PPP4R1: variants seen among roughly 807,000 people sequenced by gnomAD.
PPP4R1 encodes the protein serine/threonine-protein phosphatase 4 regulatory subunit 1.
In PPP4R1, 42 loss-of-function variants were observed where a neutral mutation model predicts 111.2. The observed-to-expected ratio is 0.38, with a 90% CI of 0.29 to 0.49. PPP4R1 has a LOEUF of 0.49. Ranked by LOEUF, PPP4R1 falls within the 20% of genes least tolerant of loss-of-function variation. The probability of loss-of-function intolerance (pLI) is 0.97; values close to 1 mark genes in which losing one functional copy is unlikely to be tolerated. For synonymous variants in PPP4R1, 409 were observed against 405.5 expected, an observed-to-expected ratio of 1.01 and a Z score of -0.10; for missense variants, 1,012 against 1,161.6, an observed-to-expected ratio of 0.87 and a Z score of 1.87.
rs932969670 is a variant in PPP4R1 at position 9,580,978 on chromosome 18, A to C, written c.918+2139T>G. Among the ~76,000 whole-genome samples, 8 of 152,306 alleles carry C rather than the reference A, an allele frequency of 5.3e-5. No homozygotes were observed. In the East Asian group the frequency reaches 1.5e-3, roughly 29 times the overall value. ...ATACCCACTAAGCCCCTGTCATACC[A>C]GGGTGGCTGTGGGCAGACCCAAAGC... On this transcript the variant is annotated intron_variant, in intron 9 of 19. Transcript: ENST00000400556.
At chr18:9,568,257 T>C (rs1355652497) in intron 11 of PPP4R1, among the ~76,000 whole-genome samples, 1 of 152,190 alleles carries the variant, frequency 6.6e-6, no homozygotes, top group Non-Finnish European at 1.5e-5. Flanking sequence ...ACTCTTGGCC[T>C]TAAGCTATCC....
At chr18:9,582,886 T>G (rs2067053025) in intron 9 of PPP4R1, among the ~76,000 whole-genome samples, 1 of 152,112 alleles carries the variant, frequency 6.6e-6, no homozygotes, top group Non-Finnish European at 1.5e-5. Flanking sequence ...ACATAATACA[T>G]CATGCCAATT....
Position 9,564,737 on chromosome 18 carries a change from TGG to T in PPP4R1, c.1574-1189_1574-1188del, listed in dbSNP as rs201070259. On this transcript the variant is annotated intron_variant, in intron 11 of 19. Transcript: ENST00000400556. ...GTGTGTGTGTGTGTGTGTGTGTGTG[TGG>T]GGGTATCATCCCCCATCCATTCTGT... 5.2e-3 allele frequency among the ~76,000 whole-genome samples: 354 copies of T among 68,006 alleles called. 1 individual carries two copies. Among genetic ancestry groups the T allele is most frequent in the African/African-American group, 0.013 (170 of 13,340 alleles). 44.6% of individuals were successfully genotyped at this position (68,006 alleles called of 152,430 possible).
intron 10 of PPP4R1, among the ~76,000 whole-genome samples, chr18:9,575,390 T>C (rs1445215327): frequency 6.6e-6 from 1 of 152,138 alleles, no homozygotes; most frequent in Non-Finnish European, 1.5e-5. Flanking sequence ...AAACTAATGG[T>C]TCTGAGATTT....
At chr18:9,585,030 A>G (rs988776241) in intron 6 of PPP4R1, among the ~76,000 whole-genome samples, 3 of 152,214 alleles carry the variant, frequency 2.0e-5, no homozygotes, top group Non-Finnish European at 2.9e-5. Context: ...GATATTAACC[A>G]CAATCAATAA....
Position 9,547,541 on chromosome 18 carries a change from G to T in PPP4R1, c.*248C>A. The T allele has an allele frequency of 2.7e-6, 1 of 366,304 alleles. No homozygotes were observed. The highest frequency in any genetic ancestry group is 5.0e-6 in the Non-Finnish European group (1 of 201,212). The allele number at this position is 366,304 out of a possible 1,614,324, so 22.7% of individuals were successfully genotyped here. A position where few individuals can be genotyped will look rare whatever the true frequency, so the allele number is the denominator to read the frequency against. Reference sequence around the variant, plus strand: ...GGAAGACAGAAGGATTTAAGGCTTCGGTGACAATTATAATCCTCTGAGAAA... The same window carrying T: ...GGAAGACAGAAGGATTTAAGGCTTCTGTGACAATTATAATCCTCTGAGAAA... On this transcript the variant is annotated 3_prime_UTR_variant, in exon 20 of 20. Coordinates refer to ENST00000400556, the MANE Select transcript of PPP4R1 (RefSeq NM_001042388.3).
rs551090951 is a variant in PPP4R1 at position 9,555,206 on chromosome 18, T to C, written c.2191-1784A>G. ...GCCCCAGCTACTCAGGAGGCAGAAG[T>C]GGGAGGATCATCTGAGCTGGGAGAG... is the stretch of plus-strand genomic sequence containing the variant. On this transcript the variant is annotated intron_variant, in intron 15 of 19. Coordinates refer to ENST00000400556, the MANE Select transcript of PPP4R1 (RefSeq NM_001042388.3). 3.2e-4 allele frequency among the ~76,000 whole-genome samples: 49 copies of C among 151,944 alleles called. No individual in the cohort carries two copies. In the South Asian group the frequency reaches 8.7e-3, roughly 27 times the overall value.
At chr18:9,615,180 A>G (rs1020078621), upstream of PPP4R1, 1 of 152,266 alleles carries the variant, frequency 6.6e-6, no homozygotes, top group African/African-American at 2.4e-5. Flanking sequence ...TGACAAAGTC[A>G]TGCCTGCCTA....
At chr18:9,552,975 T>C (rs1035607307) in intron 16 of PPP4R1, among the ~76,000 whole-genome samples, 8 of 152,236 alleles carry the variant, frequency 5.3e-5, no homozygotes, top group African/African-American at 1.9e-4. Context: ...TAGATGCTTA[T>C]TGGGCATGGG....
chr18:9,602,176 A>G (rs1397798694), intron 2 of PPP4R1, among the ~76,000 whole-genome samples: 1 of 152,120 alleles, frequency 6.6e-6, no homozygotes, highest in Non-Finnish European at 1.5e-5. Context: ...CCAAAGTAGC[A>G]GAAGAGAAAT....
chr18:9,550,466 T>C, intron 16 of PPP4R1, 68 bp from the exon 17 acceptor site: 2 of 1,490,546 alleles, frequency 1.3e-6, no homozygotes, highest in South Asian at 1.2e-5. Context: ...AGGTTACCCA[T>C]TTAAATCATC....
chr18:9,606,472 A>G lies in PPP4R1; in HGVS notation c.52+7754T>C, dbSNP rs1041980137. On this transcript the variant is annotated intron_variant, in intron 2 of 19. Coordinates refer to ENST00000400556, the MANE Select transcript of PPP4R1 (RefSeq NM_001042388.3). ...GCCTTTTACAGGGACCATACAACAT[A>G]ATCTTTATAGTCTCCAGCAACAGGT... Among the ~76,000 whole-genome samples the G allele has an allele frequency of 3.9e-5, 6 of 152,290 alleles. No homozygotes were observed. The East Asian group carries it at 7.7e-4, about 20-fold the overall frequency.
chr18:9,548,596 T>C (rs188677808), intron 19 of PPP4R1, among the ~76,000 whole-genome samples: 266 of 152,238 alleles, frequency 1.7e-3, no homozygotes, highest in African/African-American at 6.1e-3. Context: ...CAATGGTTTG[T>C]ACATAAAAAC....
intron 2 of PPP4R1, among the ~76,000 whole-genome samples, chr18:9,605,202 G>C (rs567932093): frequency 5.3e-5 from 8 of 152,176 alleles, no homozygotes; most frequent in Admixed American, 2.0e-4. Context: ...ATACACCACA[G>C]AATGAGTTAC....
At chr18:9,601,327 C>A (rs532010956) in intron 2 of PPP4R1, among the ~76,000 whole-genome samples, 1 of 151,838 alleles carries the variant, frequency 6.6e-6, no homozygotes, top group East Asian at 2.0e-4. Flanking sequence ...AGTTCGAGAC[C>A]AGCCTGGCCA....
At chr18:9,572,477 T>C (rs1243879791) in intron 10 of PPP4R1, among the ~76,000 whole-genome samples, 27 of 152,068 alleles carry the variant, frequency 1.8e-4, no homozygotes, top group Admixed American at 1.8e-3. Flanking sequence ...CAAAACAGAT[T>C]AAACAGTGAA....
chr18:9,589,056 C>A (rs887769137), intron 4 of PPP4R1, among the ~76,000 whole-genome samples: 1 of 152,156 alleles, frequency 6.6e-6, no homozygotes, highest in Non-Finnish European at 1.5e-5. Context: ...TATCTTCAAT[C>A]CAAGCTTCTG....
chr18:9,604,748 T>C lies in PPP4R1; in HGVS notation c.52+9478A>G, dbSNP rs540181593. On this transcript the variant is annotated intron_variant, in intron 2 of 19. Transcript: ENST00000400556. Reference sequence around the variant, plus strand: ...TTTTTTCATATTCTCCTACCTTCCCTTCTCCTCTCCCTCCCCAACATATAT... The same window carrying C: ...TTTTTTCATATTCTCCTACCTTCCCCTCTCCTCTCCCTCCCCAACATATAT... Among the ~76,000 whole-genome samples, 11 of 152,300 alleles carry C rather than the reference T, an allele frequency of 7.2e-5. No homozygotes were observed. In the South Asian group the frequency reaches 2.3e-3, roughly 32 times the overall value.
intron 2 of PPP4R1, among the ~76,000 whole-genome samples, chr18:9,613,357 C>T (rs1368984245): frequency 6.6e-6 from 1 of 152,204 alleles, no homozygotes; most frequent in Non-Finnish European, 1.5e-5. Context: ...TACAAACCTG[C>T]TTAACTCTTT....
Sources: allele counts gnomAD v4.1 joint callset (sites outside exome capture counted in the v4.1 genomes callset), GRCh38; gene constraint gnomAD v4.1.1; transcripts MANE v1.5; gene names NCBI Gene and HGNC (gene_info 2026-07-23, HGNC 2026-07-21).